GUCY1A2: variants seen among roughly 807,000 people sequenced by gnomAD.
GUCY1A2 encodes guanylate cyclase 1 soluble subunit alpha 2, also known as guanylate cyclase soluble subunit alpha-2.
Under a neutral mutation model 63.5 loss-of-function variants are expected in GUCY1A2, and 27 were observed. The observed-to-expected ratio is 0.43, with a 90% CI of 0.31 to 0.59. GUCY1A2 has a LOEUF of 0.59. Among genes scored for constraint, GUCY1A2 ranks in the 20% least tolerant of loss-of-function variants. The pLI is 0.11. For synonymous variants in GUCY1A2, 364 were observed against 343.5 expected, an observed-to-expected ratio of 1.06 and a Z score of -0.66; for missense variants, 768 against 913.3, an observed-to-expected ratio of 0.84 and a Z score of 2.05.
chr11:106,976,836 C>T (rs1328146171), intron 3 of GUCY1A2, among the ~76,000 whole-genome samples: 1 of 152,192 alleles, frequency 6.6e-6, no homozygotes, highest in Non-Finnish European at 1.5e-5. Context: ...AGGCAGCACA[C>T]TGCCTGCTGT....
At chr11:106,793,531 C>CAA (rs199708410) in intron 5 of GUCY1A2, among the ~76,000 whole-genome samples, 2 of 148,184 alleles carry the variant, frequency 1.3e-5, no homozygotes, top group African/African-American at 2.5e-5. Context: ...TTCTGCATAG[C>CAA]AAAAAAAAAG....
intron 4 of GUCY1A2, among the ~76,000 whole-genome samples, chr11:106,834,323 C>T (rs1450905996): frequency 2.6e-5 from 4 of 151,892 alleles, no homozygotes; most frequent in South Asian, 2.1e-4. Context: ...TCTTTCTGTG[C>T]CTGGTTTATT....
chr11:107,004,797 C>A (rs1444981459), intron 1 of GUCY1A2, among the ~76,000 whole-genome samples: 2 of 152,256 alleles, frequency 1.3e-5, no homozygotes, highest in East Asian at 3.9e-4. Flanking sequence ...AAGAGCCAAT[C>A]TTGGGAGAAC....
At chr11:106,915,863 T>A (rs1860363332) in intron 4 of GUCY1A2, among the ~76,000 whole-genome samples, 1 of 144,908 alleles carries the variant, frequency 6.9e-6, no homozygotes, top group Non-Finnish European at 1.6e-5. Flanking sequence ...CACTTTGGAT[T>A]TAAGAACAAC....
In GUCY1A2 at chr11:106,759,411, T is replaced by C. The variant is rs1056474267; in HGVS notation, c.1836+17028A>G. ...AAGGGTGATAGGAGCCATGTTGAGA[T>C]AGGAGATAATGGGATTCTTCTTTTC... is the stretch of plus-strand genomic sequence containing the variant. On this transcript the variant is annotated intron_variant, in intron 6 of 7. Coordinates refer to ENST00000526355, the MANE Select transcript of GUCY1A2 (RefSeq NM_000855.3). 3.9e-5 allele frequency among the ~76,000 whole-genome samples: 6 copies of C among 152,138 alleles called. No individual in the cohort carries two copies. In the South Asian group the frequency reaches 6.2e-4, roughly 16 times the overall value.
At chr11:106,728,970 T>A in intron 6 of GUCY1A2, among the ~76,000 whole-genome samples, 1 of 152,180 alleles carries the variant, frequency 6.6e-6, no homozygotes, top group East Asian at 1.9e-4. Context: ...ATTTACTTCA[T>A]TTAATATTGA....
intron 4 of GUCY1A2, among the ~76,000 whole-genome samples, chr11:106,847,968 TAA>T (rs1859298984): frequency 6.6e-6 from 1 of 151,546 alleles, no homozygotes; most frequent in Non-Finnish European, 1.5e-5. Context: ...GCCACTGCAA[TAA>T]GAGTGCAAAA....
chr11:106,774,670 C>T (rs1223132833), intron 6 of GUCY1A2, among the ~76,000 whole-genome samples: 1 of 152,012 alleles, frequency 6.6e-6, no homozygotes, highest in Admixed American at 6.6e-5. Flanking sequence ...ATATATATTA[C>T]ATCTTTCCAC....
chr11:106,763,670 T>C (rs1484887520), intron 6 of GUCY1A2, among the ~76,000 whole-genome samples: 1 of 152,104 alleles, frequency 6.6e-6, no homozygotes, highest in Non-Finnish European at 1.5e-5. Flanking sequence ...GGGTATTGTG[T>C]ATACAGAATT....
chr11:106,820,215 T>A lies in GUCY1A2; in HGVS notation c.1207-9737A>T, dbSNP rs535961573. 1.9e-3 allele frequency among the ~76,000 whole-genome samples: 287 copies of A among 152,206 alleles called. 3 individuals carry two copies. Among genetic ancestry groups the A allele is most frequent in the African/African-American group, 6.2e-3 (258 of 41,528 alleles). ...TTCCCCCATAGGGCTATTTATTTTT[T>A]AAAAAAATATCATCCTAATGTCTGC... On this transcript the variant is annotated intron_variant, in intron 4 of 7. Transcript: ENST00000526355.
In GUCY1A2 at chr11:107,013,327, G is replaced by A. The variant is rs528432690; in HGVS notation, c.303+4426C>T. On this transcript the variant is annotated intron_variant, in intron 1 of 7. Transcript: ENST00000526355. ...CTCTAGTGGTGTATCTTCACTGACA[G>A]GCTGACACCAGCAAACCCAAAATTG... Among the ~76,000 whole-genome samples the A allele has an allele frequency of 1.2e-4, 18 of 152,224 alleles. No individual in the cohort carries two copies. The South Asian group carries it at 1.9e-3, about 16-fold the overall frequency.
Position 106,677,476 on chromosome 11 carries a change from C to T in GUCY1A2, c.*10073G>A. On this transcript the variant is annotated 3_prime_UTR_variant, in exon 8 of 8. Coordinates refer to ENST00000526355, the MANE Select transcript of GUCY1A2 (RefSeq NM_000855.3). ...CAAATATTGATTGAAGACATAAAACCAAATTTTCCCAGCAGATAATAAATT... is the reference window on the plus strand; with the variant it reads ...CAAATATTGATTGAAGACATAAAACTAAATTTTCCCAGCAGATAATAAATT... 1 of 207,026 alleles carries T rather than the reference C, an allele frequency of 4.8e-6. No individual in the cohort carries two copies. Among genetic ancestry groups the T allele is most frequent in the Non-Finnish European group, 9.9e-6 (1 of 101,346 alleles). 12.8% of individuals were successfully genotyped at this position (207,026 alleles called of 1,614,324 possible). A position where few individuals can be genotyped will look rare whatever the true frequency, so the allele number is the denominator to read the frequency against.
rs1207233860 is a variant in GUCY1A2 at position 106,977,520 on chromosome 11, T to C, written c.487+1099A>G. Among the ~76,000 whole-genome samples the C allele has an allele frequency of 4.6e-5, 7 of 152,294 alleles. No homozygotes were observed. The East Asian group carries it at 1.4e-3, about 29-fold the overall frequency. ...ATTTTCTTATTATACAATTTTGTGT[T>C]TACAAAAGTTACCTAGGATGAAAAT... On this transcript the variant is annotated intron_variant, in intron 3 of 7. Coordinates refer to ENST00000526355, the MANE Select transcript of GUCY1A2 (RefSeq NM_000855.3).
chr11:106,769,113 T>G (rs11211903), intron 6 of GUCY1A2, among the ~76,000 whole-genome samples: 2,632 of 151,426 alleles, frequency 0.017, 39 homozygotes, highest in Non-Finnish European at 0.024. Flanking sequence ...TATAATATTT[T>G]ATATACAATC....
At chr11:106,911,615 G>T (rs139504138) in intron 4 of GUCY1A2, among the ~76,000 whole-genome samples, 1 of 152,052 alleles carries the variant, frequency 6.6e-6, no homozygotes, top group Non-Finnish European at 1.5e-5. Context: ...AGAGATATAA[G>T]GCCTGAGAGT....
At chr11:106,790,748 CT>C (rs1864643890) in intron 5 of GUCY1A2, among the ~76,000 whole-genome samples, 1 of 152,246 alleles carries the variant, frequency 6.6e-6, no homozygotes, top group South Asian at 2.1e-4. Context: ...GTAGGTTCCC[CT>C]TGTGGCCCAT....
At chr11:106,972,937 T>C (rs142819814) in intron 3 of GUCY1A2, among the ~76,000 whole-genome samples, 4 of 152,222 alleles carry the variant, frequency 2.6e-5, no homozygotes, top group East Asian at 1.9e-4. Context: ...TTGTAACTTA[T>C]AAAACTGACT....
At position 106,776,580 on chromosome 11, in the gene GUCY1A2, C is replaced by A. The variant is rs201999952; in HGVS notation, c.1695G>T (p.Val565=). ...CACAGTAGGCATCACCTATTGTTTC[C>A]ACCTGCAGCAATCAGACAAATCAAA... ...HQCGFLDIYK[V]ETIGDAYCVA... Residue 565 remains valine, a splice_region_variant and synonymous_variant, in exon 6 of 8, where the codon GTG becomes GTT. Transcript: ENST00000526355. 9 of 1,612,888 alleles carry A rather than the reference C, an allele frequency of 5.6e-6. No homozygotes were observed. In the African/African-American group the frequency reaches 8.0e-5, roughly 14 times the overall value.
At chr11:106,962,213 T>G (rs1861066523) in intron 3 of GUCY1A2, among the ~76,000 whole-genome samples, 1 of 152,128 alleles carries the variant, frequency 6.6e-6, no homozygotes, top group Admixed American at 6.5e-5. Context: ...GTTGAAAATT[T>G]TGTTCCCAAA....
Sources: allele counts gnomAD v4.1 joint callset (sites outside exome capture counted in the v4.1 genomes callset), GRCh38; gene constraint gnomAD v4.1.1; transcripts MANE v1.5; gene names NCBI Gene and HGNC (gene_info 2026-07-23, HGNC 2026-07-21).